Variants in WNK1 observed in about 807,000 individuals in gnomAD.
The protein encoded by WNK1 is WNK lysine deficient protein kinase 1.
In WNK1, 38 loss-of-function variants were observed where a neutral mutation model predicts 222.8. The observed-to-expected ratio is 0.17, with a 90% CI of 0.13 to 0.22. The LOEUF is 0.22. WNK1 is among the 10% of genes least tolerant of loss of function. WNK1 has a pLI of 1.00. For missense variants in WNK1, 2,348 were observed against 2,918.4 expected (o/e 0.80, Z 4.50); for synonymous variants, 1,090 against 1,092.9 (o/e 1.00, Z 0.05).
At chr12:812,824 AAAAAG>A (rs1201710926) in intron 1 of WNK1, among the ~76,000 whole-genome samples, 1 of 152,232 alleles carries the variant, frequency 6.6e-6, no homozygotes, top group Non-Finnish European at 1.5e-5. Context: ...AAAATTGTTT[AAAAAG>A]AAAAGAAGAG....
At chr12:754,371 T>A (rs973590170) in intron 1 of WNK1, 47 bp downstream of exon 1, 2 of 1,612,312 alleles carry the variant, frequency 1.2e-6, no homozygotes, top group Non-Finnish European at 1.7e-6. Context: ...ATCCCAAATT[T>A]GGCTCGGCGA....
chr12:769,249 A>C (rs985374493), intron 1 of WNK1, among the ~76,000 whole-genome samples: 1 of 151,834 alleles, frequency 6.6e-6, no homozygotes, highest in Non-Finnish European at 1.5e-5. Flanking sequence ...CCCAGGCTGG[A>C]GTGCAGTGGC....
At chr12:874,889 C>CA (rs1340404386) in intron 9 of WNK1, among the ~76,000 whole-genome samples, 1 of 151,438 alleles carries the variant, frequency 6.6e-6, no homozygotes, top group Admixed American at 6.6e-5. Context: ...CAATTATGTC[C>CA]AAAAAAAGGG....
At chr12:755,354 G>A (rs72647386) in intron 1 of WNK1, among the ~76,000 whole-genome samples, 4,021 of 152,280 alleles carry the variant, frequency 0.026, 77 homozygotes, top group Non-Finnish European at 0.037. Context: ...TACAGGATAT[G>A]AAAATAACTG....
chr12:890,782 A>G (rs1954150686), intron 22 of WNK1, among the ~76,000 whole-genome samples: 2 of 152,244 alleles, frequency 1.3e-5, no homozygotes, highest in African/African-American at 4.8e-5. Flanking sequence ...ATTAAAGCAT[A>G]CTGTATTTAG....
intron 1 of WNK1, among the ~76,000 whole-genome samples, chr12:808,058 T>C (rs934447963): frequency 2.0e-5 from 3 of 152,146 alleles, no homozygotes; most frequent in East Asian, 1.9e-4. Context: ...CATTCACATT[T>C]ATCTTTCCTT....
At chr12:898,246 A>G (rs1954912581) in intron 25 of WNK1, among the ~76,000 whole-genome samples, 1 of 152,118 alleles carries the variant, frequency 6.6e-6, no homozygotes, top group African/African-American at 2.4e-5. Context: ...GAACTTTGGG[A>G]GGCTGAGGCA....
Position 861,156 on chromosome 12 carries a change from T to C in WNK1, c.1764T>C (p.Ser588=), listed in dbSNP as rs780500771. ...EQEKKKQEES[S]LKQQVEQSSA... is the part of the protein sequence containing the mutation. The stretch of plus-strand genomic sequence containing the variant: ...AAAAAAAAAAGCAGGAAGAGAGCAG[T>C]CTCAAACAGCAGGTAGAACAATCCA... Residue 588 remains serine, a synonymous_variant, in exon 7 of 28, where the codon AGT becomes AGC. Coordinates refer to ENST00000315939, the MANE Select transcript of WNK1 (RefSeq NM_018979.4). 2 of 1,613,044 alleles carry C rather than the reference T, an allele frequency of 1.2e-6. No homozygotes were observed. Among genetic ancestry groups the C allele is most frequent in the South Asian group, 2.2e-5 (2 of 91,066 alleles).
At chr12:779,397 G>GTTTTTTTT (rs5795950) in intron 1 of WNK1, among the ~76,000 whole-genome samples, 1 of 124,274 alleles carries the variant, frequency 8.0e-6, no homozygotes, top group Non-Finnish European at 1.7e-5. Flanking sequence ...TTTCTTTTCT[G>GTTTTTTTT]TTTTTTTTTT....
chr12:754,756 A>AACAACCT (rs1555070411), intron 1 of WNK1, among the ~76,000 whole-genome samples: 1 of 152,136 alleles, frequency 6.6e-6, no homozygotes, highest in African/African-American at 2.4e-5. Context: ...TTTAAATGAG[A>AACAACCT]ACAACCTTGT....
At chr12:843,017 C>A (rs1250825018) in intron 4 of WNK1, among the ~76,000 whole-genome samples, 1 of 152,134 alleles carries the variant, frequency 6.6e-6, no homozygotes, top group African/African-American at 2.4e-5. Context: ...CTCACTGCAA[C>A]CTCTGCCTCC....
intron 1 of WNK1, among the ~76,000 whole-genome samples, chr12:810,304 A>G (rs1484943017): frequency 1.3e-5 from 2 of 152,196 alleles, no homozygotes; most frequent in Non-Finnish European, 2.9e-5. Context: ...TGGTGCAGAA[A>G]ATGATAAGGA....
Position 908,207 on chromosome 12 carries a change from C to A in WNK1, c.6831+173C>A, listed in dbSNP as rs1331934452. 3.3e-6 allele frequency: 3 copies of A among 920,170 alleles called. No homozygotes were observed. In the East Asian group the frequency reaches 7.9e-5, roughly 24 times the overall value. The allele number at this position is 920,170 out of a possible 1,614,324, so 57.0% of individuals were successfully genotyped here. On this transcript the variant is annotated intron_variant, in intron 27 of 27. Transcript: ENST00000315939. ...CTTTTATTTTTCCTTCCCTGAATTC[C>A]TAACCTCTTGTTGGTCAGCTCAACT... is the stretch of plus-strand genomic sequence containing the variant.
intron 8 of WNK1, chr12:865,474 A>T (rs1951586825): frequency 2.9e-6 from 4 of 1,370,746 alleles, no homozygotes; most frequent in Non-Finnish European, 3.9e-6. Context: ...ACTTGGTTAT[A>T]TTATGCTTCT....
chr12:821,951 A>AATGAGTCTC (rs1947918513), intron 2 of WNK1, among the ~76,000 whole-genome samples: 4 of 152,040 alleles, frequency 2.6e-5, no homozygotes, highest in Admixed American at 2.6e-4. Flanking sequence ...TAGACAGTAT[A>AATGAGTCTC]TAGTTGGCTT....
At chr12:821,240 T>C (rs1421243156) in intron 2 of WNK1, among the ~76,000 whole-genome samples, 1 of 152,178 alleles carries the variant, frequency 6.6e-6, no homozygotes, top group Non-Finnish European at 1.5e-5. Context: ...TGGGTTTGGC[T>C]TGCCAATATT....
At chr12:856,417 G>A (rs1216230761) in intron 4 of WNK1, among the ~76,000 whole-genome samples, 1 of 150,588 alleles carries the variant, frequency 6.6e-6, no homozygotes, top group African/African-American at 2.4e-5. Context: ...TCACACCACT[G>A]CACTCCATAC....
intron 4 of WNK1, among the ~76,000 whole-genome samples, chr12:852,209 G>A (rs1207606369): frequency 6.6e-6 from 1 of 152,126 alleles, no homozygotes; most frequent in Non-Finnish European, 1.5e-5. Context: ...CCTATAAAAT[G>A]TGCATATGTT....
At chr12:764,405 G>A (rs1941409282) in intron 1 of WNK1, among the ~76,000 whole-genome samples, 1 of 146,688 alleles carries the variant, frequency 6.8e-6, no homozygotes, top group African/African-American at 2.4e-5. Flanking sequence ...GGAGGCTGAA[G>A]TGGGCGGATC....
Sources: gnomAD v4.1 joint callset for allele counts (sites outside exome capture counted in the v4.1 genomes callset) on GRCh38, gnomAD v4.1.1 for gene constraint, MANE v1.5 for transcripts, NCBI Gene and HGNC (gene_info 2026-07-23, HGNC 2026-07-21) for gene names.